The following DMXL1 variants were observed in gnomAD, a reference collection of about 807,000 sequenced individuals.
DMXL1 encodes dmX-like protein 1.
Under a neutral mutation model 319.2 loss-of-function variants are expected in DMXL1, and 99 were observed. The ratio of observed to expected loss-of-function variants is 0.31; its 90% CI spans 0.26 to 0.37. DMXL1 has a LOEUF of 0.37. DMXL1 is among the 10% of genes least tolerant of loss of function. DMXL1 has a pLI of 1.00. For synonymous variants in DMXL1, 1,385 were observed against 1,235.2 expected, an observed-to-expected ratio of 1.12 and a Z score of -2.54; for missense variants, 3,745 against 3,595.6, an observed-to-expected ratio of 1.04 and a Z score of -1.06.
At chr5:119,120,434 G>A (rs984025179) in intron 8 of DMXL1, among the ~76,000 whole-genome samples, 1 of 152,126 alleles carries the variant, frequency 6.6e-6, no homozygotes, top group African/African-American at 2.4e-5. Context: ...ATGATCTTGG[G>A]TTCTATATAG....
At chr5:119,221,471 A>G (rs1339402459) in intron 37 of DMXL1, among the ~76,000 whole-genome samples, 1 of 152,222 alleles carries the variant, frequency 6.6e-6, no homozygotes, top group Non-Finnish European at 1.5e-5. Flanking sequence ...CAATAGTTGA[A>G]AAAACAAACA....
rs748039042 is a variant in DMXL1, at chr5:119,247,186, AGT to A, written c.9117_9118del (p.Leu3040GlufsTer3). The A allele has an allele frequency of 6.2e-7, 1 of 1,613,604 alleles. No individual in the cohort carries two copies. Among genetic ancestry groups the A allele is most frequent in the Admixed American group, 1.7e-5 (1 of 59,912 alleles). On this transcript the variant is annotated frameshift_variant, in exon 44 of 44. Coordinates refer to ENST00000539542, the MANE Select transcript of DMXL1 (RefSeq NM_001290321.3). LOFTEE classifies it high-confidence loss of function. ...LPDQFSPLNE[V>X]LKNDVKFML ...CAGATCAGTTTAGCCCTTTAAATGA[AGT>A]GTTGAAAAATGATGTGAAATTTATG...
intron 29 of DMXL1, 99 bp downstream of exon 29, chr5:119,189,985 C>T (rs1778422746): frequency 4.8e-6 from 6 of 1,240,406 alleles, no homozygotes; most frequent in Non-Finnish European, 6.7e-6. Context: ...TGTTTTCCCA[C>T]TTTGGTTTAG....
At chr5:119,104,627 A>T (rs1323607884) in intron 3 of DMXL1, among the ~76,000 whole-genome samples, 2 of 152,232 alleles carry the variant, frequency 1.3e-5, no homozygotes, top group Non-Finnish European at 2.9e-5. Context: ...AAGGACAAAC[A>T]TAGGTTATAT....
At chr5:119,099,199 T>G (rs62374135) in intron 2 of DMXL1, among the ~76,000 whole-genome samples, 4,848 of 150,298 alleles carry the variant, frequency 0.032, 250 homozygotes, top group African/African-American at 0.11. Context: ...TTTTGTTTGT[T>G]TTTGTTTGTT....
rs747885617 is a variant in DMXL1 at position 119,105,228 on chromosome 5, A to G, written c.334A>G (p.Ile112Val). The G allele has an allele frequency of 1.5e-5, 24 of 1,613,180 alleles. No homozygotes were observed. Among genetic ancestry groups the G allele is most frequent in the East Asian group, 2.2e-5 (1 of 44,788 alleles). ...QKSGQFFLESIAHNITWDPTG... is the reference protein window; with the variant it reads ...QKSGQFFLESVAHNITWDPTG... ...AAGTGGCCAATTTTTTCTGGAATCA[A>G]TAGCACACAATATAACCTGGGATCC... The change falls in exon 4 of 44, where the codon ATA becomes GTA. Residue 112 changes from isoleucine to valine, a missense_variant. Physicochemically the swap from Ile to Val is conservative, Grantham distance 29. Around this residue, in one of 4 missense-constraint regions of DMXL1, gnomAD observed 2,096 missense variants for 1,985.4 expected, o/e 1.06. Transcript: ENST00000539542.
At position 119,151,991 on chromosome 5, in the gene DMXL1, C is replaced by A. The variant is rs146876365; in HGVS notation, c.4657C>A (p.Leu1553Ile). The change falls in exon 19 of 44, where the codon CTT becomes ATT. Residue 1553 changes from leucine (L) to isoleucine (I), a missense_variant. Physicochemically the swap from Leu to Ile is conservative, Grantham distance 5 (BLOSUM62 2). This residue lies in a region of DMXL1 where 2,096 missense variants were observed against 1,985.4 expected (regional missense o/e 1.06). Coordinates refer to ENST00000539542, the MANE Select transcript of DMXL1 (RefSeq NM_001290321.3). ...TTTGGCTGTTCGACTCCATACCTTTCTTACAACTTCCCTTCCAGCCTATCG... is the reference window on the plus strand; with the variant it reads ...TTTGGCTGTTCGACTCCATACCTTTATTACAACTTCCCTTCCAGCCTATCG... ...FLLAVRLHTFLTTSLPAYRAQ... is the reference protein window; with the variant it reads ...FLLAVRLHTFITTSLPAYRAQ... 3.0e-5 allele frequency: 48 copies of A among 1,612,956 alleles called. No homozygotes were observed. In the African/African-American group the frequency reaches 5.6e-4, roughly 19 times the overall value.
rs554585529 is a variant in DMXL1, at chr5:119,214,925, T to C, written c.7927-1976T>C. Among the ~76,000 whole-genome samples, 10 of 152,270 alleles carry C rather than the reference T, an allele frequency of 6.6e-5. No individual in the cohort carries two copies. In the South Asian group the frequency reaches 1.2e-3, roughly 19 times the overall value. On this transcript the variant is annotated intron_variant, in intron 34 of 43. Coordinates refer to ENST00000539542, the MANE Select transcript of DMXL1 (RefSeq NM_001290321.3). ...GCAAGTGGCACATCCCTCTATTCCA[T>C]GGAGCCATCATCTTTCTCTGTCGCC... is the stretch of plus-strand genomic sequence containing the variant.
intron 8 of DMXL1, 79 bp downstream of exon 8, chr5:119,119,083 A>G: frequency 1.1e-6 from 1 of 907,500 alleles, no homozygotes; most frequent in Non-Finnish European, 1.6e-6. Flanking sequence ...CAGTAATGTT[A>G]TAAAAAAACT....
At chr5:119,225,975 C>A (rs1785476518) in intron 38 of DMXL1, among the ~76,000 whole-genome samples, 1 of 152,104 alleles carries the variant, frequency 6.6e-6, no homozygotes, top group South Asian at 2.1e-4. Flanking sequence ...CTACCCTATT[C>A]TATGCAGTCT....
intron 28 of DMXL1, among the ~76,000 whole-genome samples, chr5:119,182,195 T>G (rs1017652297): frequency 2.6e-5 from 4 of 152,204 alleles, no homozygotes; most frequent in Non-Finnish European, 1.5e-5. Context: ...AATAAAACAG[T>G]GTATTTTAGA....
chr5:119,127,872 C>G (rs1763952960), intron 9 of DMXL1: 1 of 343,748 alleles, frequency 2.9e-6, no homozygotes, highest in African/African-American at 2.2e-5. Context: ...ATCAGCATGT[C>G]TGCTTTGGCA....
At chr5:119,084,864 CA>C (rs767235744) in intron 1 of DMXL1, among the ~76,000 whole-genome samples, 1,321 of 69,874 alleles carry the variant, frequency 0.019, 9 homozygotes, top group African/African-American at 0.037. Flanking sequence ...AACTCCGTCT[CA>C]AAAAAAAAAA....
intron 13 of DMXL1, among the ~76,000 whole-genome samples, chr5:119,138,195 C>G (rs1766463229): frequency 1.3e-5 from 2 of 152,006 alleles, no homozygotes; most frequent in African/African-American, 4.8e-5. Flanking sequence ...TGGCCAAATT[C>G]AAGATGTTGT....
At chr5:119,209,423 C>G (rs559408171) in intron 34 of DMXL1, among the ~76,000 whole-genome samples, 1 of 151,060 alleles carries the variant, frequency 6.6e-6, no homozygotes, top group East Asian at 1.9e-4. Context: ...GATTGCGGCT[C>G]ACTGCAGCCT....
intron 9 of DMXL1, among the ~76,000 whole-genome samples, chr5:119,125,503 G>T (rs888352037): frequency 6.6e-6 from 1 of 152,128 alleles, no homozygotes; most frequent in Non-Finnish European, 1.5e-5. Flanking sequence ...TTACTAATGA[G>T]ATTCTAGCTA....
intron 42 of DMXL1, among the ~76,000 whole-genome samples, chr5:119,241,197 A>T (rs1046433760): frequency 6.6e-6 from 1 of 152,146 alleles, no homozygotes; most frequent in African/African-American, 2.4e-5. Flanking sequence ...TACTGTATTT[A>T]TTGATATTGT....
intron 38 of DMXL1, 95 bp downstream of exon 38, chr5:119,224,864 T>A: frequency 2.0e-6 from 1 of 509,784 alleles, no homozygotes; most frequent in Non-Finnish European, 3.3e-6. Context: ...CTTTTTGTTT[T>A]AATTGAAAGC....
intron 9 of DMXL1, chr5:119,128,113 A>G: frequency 6.0e-6 from 3 of 498,388 alleles, no homozygotes. Flanking sequence ...AAATCATGGG[A>G]TATCAACTCT....
Sources: allele counts gnomAD v4.1 joint callset (sites outside exome capture counted in the v4.1 genomes callset), GRCh38; gene constraint gnomAD v4.1.1; regional missense constraint gnomAD v4.1.1; transcripts MANE v1.5; gene names NCBI Gene and HGNC (gene_info 2026-07-23, HGNC 2026-07-21).